The following ITGA9 variants were observed in gnomAD, a reference collection of about 807,000 sequenced individuals.
ITGA9 encodes the protein integrin alpha-9.
Under a neutral mutation model 127.8 loss-of-function variants are expected in ITGA9, and 56 were observed. The observed-to-expected ratio is 0.44, with a 90% confidence interval of 0.35 to 0.55. ITGA9 has a LOEUF of 0.55. Ranked by LOEUF, ITGA9 falls within the 20% of genes least tolerant of loss-of-function variation. The pLI, the probability that ITGA9 is intolerant of heterozygous loss-of-function variation, is 0.00. For missense variants in ITGA9, 1,196 were observed against 1,347.1 expected (o/e 0.89, Z 1.76); for synonymous variants, 508 against 514.5 (o/e 0.99, Z 0.17).
intron 18 of ITGA9, among the ~76,000 whole-genome samples, chr3:37,731,274 G>C (rs975951264): frequency 6.6e-6 from 1 of 152,096 alleles, no homozygotes; most frequent in African/African-American, 2.4e-5. Context: ...CTGGAGTGCA[G>C]TGGCACCATC....
chr3:37,816,972 CTT>C (rs923266116), intron 27 of ITGA9, among the ~76,000 whole-genome samples: 1 of 152,210 alleles, frequency 6.6e-6, no homozygotes, highest in Admixed American at 6.5e-5. Flanking sequence ...TGCTGGCTCT[CTT>C]GACAGTTCTC....
chr3:37,474,419 C>T (rs77860557), intron 3 of ITGA9, among the ~76,000 whole-genome samples: 32 of 152,270 alleles, frequency 2.1e-4, no homozygotes, highest in African/African-American at 7.7e-4. Flanking sequence ...TTATTAGACT[C>T]AACACGAAAG....
intron 23 of ITGA9, among the ~76,000 whole-genome samples, chr3:37,773,590 CT>C (rs11438112): frequency 5.5e-4 from 81 of 148,490 alleles, no homozygotes; most frequent in Middle Eastern, 3.5e-3. Flanking sequence ...ATTTAACTCT[CT>C]TTTTTTTTTT....
At chr3:37,461,706 C>T (rs1018351922) in intron 1 of ITGA9, among the ~76,000 whole-genome samples, 2 of 152,180 alleles carry the variant, frequency 1.3e-5, no homozygotes, top group Non-Finnish European at 2.9e-5. Flanking sequence ...TTTTGTTATG[C>T]TCTACATAAA....
intron 15 of ITGA9, among the ~76,000 whole-genome samples, chr3:37,600,577 C>G (rs2186452): frequency 0.71 from 107,923 of 152,018 alleles, 38,620 homozygotes; most frequent in East Asian, 0.8. Context: ...GATGTGGCCA[C>G]CATCTGCAGG....
At chr3:37,570,265 G>A (rs1190046757) in intron 15 of ITGA9, among the ~76,000 whole-genome samples, 1 of 152,254 alleles carries the variant, frequency 6.6e-6, no homozygotes, top group Non-Finnish European at 1.5e-5. Context: ...GGTTATTCTG[G>A]TTGTTGCTAT....
chr3:37,656,452 C>T (rs953829045), intron 17 of ITGA9, among the ~76,000 whole-genome samples: 5 of 152,132 alleles, frequency 3.3e-5, no homozygotes, highest in African/African-American at 9.7e-5. Flanking sequence ...CTGTTTGTAG[C>T]AATTGTGAAT....
chr3:37,486,128 G>T (rs180895687), intron 4 of ITGA9, among the ~76,000 whole-genome samples: 2 of 152,336 alleles, frequency 1.3e-5, no homozygotes, highest in Admixed American at 6.5e-5. Flanking sequence ...GACCACTGAG[G>T]CAAGAAGCCG....
intron 15 of ITGA9, among the ~76,000 whole-genome samples, chr3:37,604,474 C>T (rs567384675): frequency 4.6e-5 from 7 of 152,312 alleles, no homozygotes; most frequent in Admixed American, 1.3e-4. Context: ...TTGTGTATAA[C>T]TGGAGGGTAG....
Position 37,505,983 on chromosome 3 carries a change from C to A in ITGA9, c.743-17C>A. On this transcript the variant is annotated splice_polypyrimidine_tract_variant and intron_variant, in intron 6 of 27. Transcript: ENST00000264741. Reference sequence around the variant, plus strand: ...TCTTTTTCAACCGTGTGCTTGGTTTCCGCCCATCCTGTTCAGGCTACGCAG... The same window carrying A: ...TCTTTTTCAACCGTGTGCTTGGTTTACGCCCATCCTGTTCAGGCTACGCAG... 5.7e-6 allele frequency: 9 copies of A among 1,577,304 alleles called. No homozygotes were observed. Among genetic ancestry groups the A allele is most frequent in the Non-Finnish European group, 7.8e-6 (9 of 1,154,864 alleles).
chr3:37,533,804 C>G (rs1039491530), intron 14 of ITGA9, among the ~76,000 whole-genome samples: 3 of 152,176 alleles, frequency 2.0e-5, no homozygotes. Flanking sequence ...AGGGAACATT[C>G]GAGCAGTTAG....
At chr3:37,654,722 C>G (rs531175875) in intron 17 of ITGA9, among the ~76,000 whole-genome samples, 1 of 152,176 alleles carries the variant, frequency 6.6e-6, no homozygotes, top group African/African-American at 2.4e-5. Context: ...ACTTTAAGTT[C>G]CAGGATACAT....
At chr3:37,706,317 G>T (rs1031627516) in intron 18 of ITGA9, among the ~76,000 whole-genome samples, 6 of 152,090 alleles carry the variant, frequency 3.9e-5, no homozygotes, top group Admixed American at 1.3e-4. Flanking sequence ...TTTTGATTCT[G>T]CTTCTTCCCA....
At chr3:37,458,818 C>T (rs928099763) in intron 1 of ITGA9, among the ~76,000 whole-genome samples, 1 of 152,186 alleles carries the variant, frequency 6.6e-6, no homozygotes, top group Non-Finnish European at 1.5e-5. Flanking sequence ...ATCTTGCCAC[C>T]AGCTGACTCA....
intron 18 of ITGA9, among the ~76,000 whole-genome samples, chr3:37,725,704 A>G (rs978868822): frequency 1.3e-5 from 2 of 152,248 alleles, no homozygotes; most frequent in Non-Finnish European, 2.9e-5. Context: ...TACCTGGCAC[A>G]CAGTAAACCA....
At chr3:37,686,712 G>A (rs1212468699) in intron 18 of ITGA9, among the ~76,000 whole-genome samples, 1 of 152,224 alleles carries the variant, frequency 6.6e-6, no homozygotes, top group Non-Finnish European at 1.5e-5. Flanking sequence ...CCAGAGTGGT[G>A]ATGGAGCAGG....
At chr3:37,660,647 C>T (rs1000502231) in intron 17 of ITGA9, among the ~76,000 whole-genome samples, 5 of 152,056 alleles carry the variant, frequency 3.3e-5, no homozygotes, top group Non-Finnish European at 7.4e-5. Flanking sequence ...ACCCAGTCCC[C>T]CCATATGTAT....
intron 23 of ITGA9, among the ~76,000 whole-genome samples, chr3:37,765,193 C>T (rs1386423195): frequency 6.6e-6 from 1 of 152,066 alleles, no homozygotes; most frequent in African/African-American, 2.4e-5. Flanking sequence ...GGCTCCAGGA[C>T]ATCCCCCCAT....
At chr3:37,520,577 A>G (rs1487400640) in intron 11 of ITGA9, among the ~76,000 whole-genome samples, 5 of 152,212 alleles carry the variant, frequency 3.3e-5, no homozygotes, top group African/African-American at 1.2e-4. Flanking sequence ...ACGAATATGG[A>G]AACTATTTTG....
Sources: allele counts gnomAD v4.1 joint callset (sites outside exome capture counted in the v4.1 genomes callset), GRCh38; gene constraint gnomAD v4.1.1; transcripts MANE v1.5; gene names NCBI Gene and HGNC (gene_info 2026-07-23, HGNC 2026-07-21).